Variants in LRRC69 observed in about 807,000 individuals in gnomAD.
LRRC69 encodes the protein leucine-rich repeat-containing protein 69.
LRRC69 carries 42 observed loss-of-function variants against 37.8 expected under a neutral mutation model. The observed-to-expected ratio is 1.11, with a 90% CI of 0.87 to 1.44. The LOEUF (loss-of-function observed/expected upper bound fraction) is 1.44, where lower values mean the gene tolerates loss of function less well. Among genes scored for constraint, LRRC69 ranks in the 40% most tolerant of loss-of-function variants. LRRC69 has a pLI of 0.00. For synonymous variants in LRRC69, 141 were observed against 143.1 expected (o/e 0.99, Z 0.11); for missense variants, 357 against 401.9 (o/e 0.89, Z 0.96).
At chr8:91,197,064 A>G (rs1214796114) in intron 6 of LRRC69, among the ~76,000 whole-genome samples, 1 of 151,920 alleles carries the variant, frequency 6.6e-6, no homozygotes, top group East Asian at 1.9e-4. Flanking sequence ...TCTAACAGAC[A>G]GGACCCTCAG....
At chr8:91,206,845 A>G in intron 7 of LRRC69, 2 of 1,287,996 alleles carry the variant, frequency 1.6e-6, no homozygotes, top group South Asian at 1.2e-5. Flanking sequence ...AGGAGAAACC[A>G]AGTAATTTTG....
intron 5 of LRRC69, among the ~76,000 whole-genome samples, chr8:91,155,685 A>G (rs1368709370): frequency 6.6e-6 from 1 of 150,396 alleles, no homozygotes; most frequent in Non-Finnish European, 1.5e-5. Context: ...TCTACTCTCT[A>G]CTTCTATGAA....
chr8:91,143,584 GA>G lies in LRRC69; in HGVS notation c.651+7853del, dbSNP rs146361890. Among the ~76,000 whole-genome samples the G allele has an allele frequency of 1.5e-4, 22 of 151,444 alleles. 1 individual carries two copies. The highest frequency in any genetic ancestry group is 6.3e-4 in the South Asian group (3 of 4,796). ...TTGTAGGCACATACTGTTTTTATAA[GA>G]AAAAAAACATAAAGCGGGAAAGCCT... On this transcript the variant is annotated intron_variant, in intron 5 of 7. Transcript: ENST00000448384.
chr8:91,120,475 T>C (rs1813599387), intron 1 of LRRC69, among the ~76,000 whole-genome samples: 2 of 152,056 alleles, frequency 1.3e-5, no homozygotes, highest in African/African-American at 2.4e-5. Flanking sequence ...AGGAGAAATG[T>C]AGTCTCAGCC....
chr8:91,193,001 A>T (rs1479134039), intron 6 of LRRC69, among the ~76,000 whole-genome samples: 1 of 151,858 alleles, frequency 6.6e-6, no homozygotes, highest in Non-Finnish European at 1.5e-5. Flanking sequence ...TAAGTCTTTA[A>T]TCCATCTTGA....
At chr8:91,140,514 A>AT (rs1808513004) in intron 5 of LRRC69, among the ~76,000 whole-genome samples, 1 of 151,858 alleles carries the variant, frequency 6.6e-6, no homozygotes, top group Admixed American at 6.6e-5. Flanking sequence ...CAAGAATCTC[A>AT]TTTTTATATT....
intron 5 of LRRC69, among the ~76,000 whole-genome samples, chr8:91,153,993 A>C (rs575005234): frequency 2.0e-5 from 3 of 151,998 alleles, no homozygotes; most frequent in African/African-American, 7.2e-5. Context: ...AAGAAAAGGG[A>C]GAAGAATCAA....
At chr8:91,194,761 T>G (rs1809565187) in intron 6 of LRRC69, among the ~76,000 whole-genome samples, 1 of 152,174 alleles carries the variant, frequency 6.6e-6, no homozygotes, top group South Asian at 2.1e-4. Flanking sequence ...TTGCTAGTGG[T>G]CTATCTATTT....
At chr8:91,196,039 T>G (rs534204160) in intron 6 of LRRC69, among the ~76,000 whole-genome samples, 2 of 152,206 alleles carry the variant, frequency 1.3e-5, no homozygotes, top group African/African-American at 2.4e-5. Context: ...GGGCAGGCCT[T>G]GTAGTGACAA....
intron 1 of LRRC69, among the ~76,000 whole-genome samples, chr8:91,109,100 A>G (rs938251352): frequency 2.0e-5 from 3 of 152,022 alleles, no homozygotes; most frequent in African/African-American, 7.2e-5. Flanking sequence ...ACAGGGATTC[A>G]TTATCCTGTT....
chr8:91,130,814 G>C (rs1813795943), intron 3 of LRRC69: 1 of 152,022 alleles, frequency 6.6e-6, no homozygotes, highest in Non-Finnish European at 1.5e-5. Flanking sequence ...TGAAGACCAA[G>C]GTGCTGGCAG....
Position 91,146,931 on chromosome 8 carries a change from T to C in LRRC69, c.651+11192T>C, listed in dbSNP as rs553871758. Among the ~76,000 whole-genome samples the C allele has an allele frequency of 5.9e-5, 9 of 151,742 alleles. No homozygotes were observed. The South Asian group carries it at 8.3e-4, about 14-fold the overall frequency. On this transcript the variant is annotated intron_variant, in intron 5 of 7. Transcript: ENST00000448384. ...AAGCCAGAAATCCTGCTAAATGTTC[T>C]GTAATGCATAGGACAGTCCCCCCAT...
chr8:91,179,173 G>C (rs992608129), intron 5 of LRRC69, among the ~76,000 whole-genome samples: 3 of 152,164 alleles, frequency 2.0e-5, no homozygotes, highest in African/African-American at 4.8e-5. Context: ...CTGAACCTGG[G>C]TAATTTATAA....
chr8:91,171,086 G>T (rs557935085), intron 5 of LRRC69, among the ~76,000 whole-genome samples: 3 of 151,906 alleles, frequency 2.0e-5, no homozygotes, highest in Non-Finnish European at 4.4e-5. Context: ...CAAAAAGTGG[G>T]TGTATATAAT....
At chr8:91,191,447 G>T (rs758389203) in intron 6 of LRRC69, among the ~76,000 whole-genome samples, 2 of 152,068 alleles carry the variant, frequency 1.3e-5, no homozygotes, top group Non-Finnish European at 2.9e-5. Flanking sequence ...AACTAATTTA[G>T]TCCTCTACTA....
chr8:91,128,338 G>A lies in LRRC69; in HGVS notation c.383+1178G>A, dbSNP rs1320359575. Among the ~76,000 whole-genome samples, 6 of 152,060 alleles carry A rather than the reference G, an allele frequency of 3.9e-5. No homozygotes were observed. The South Asian group carries it at 1.0e-3, about 26-fold the overall frequency. ...CAATTTCATACACTTATCTCTGTTT[G>A]GAATACAAATTACAGTATTCAAGGA... On this transcript the variant is annotated intron_variant, in intron 3 of 7. Transcript: ENST00000448384.
chr8:91,199,265 T>G (rs1809673518), intron 6 of LRRC69, among the ~76,000 whole-genome samples: 1 of 152,212 alleles, frequency 6.6e-6, no homozygotes, highest in African/African-American at 2.4e-5. Flanking sequence ...ACATCTGATT[T>G]AGGCACCCTT....
At chr8:91,205,511 C>G (rs1809789306) in intron 7 of LRRC69, 2 of 151,830 alleles carry the variant, frequency 1.3e-5, no homozygotes, top group African/African-American at 4.8e-5. Context: ...TCTGTGGATC[C>G]TGACAGACAG....
At chr8:91,135,401 G>C (rs1813892193) in intron 4 of LRRC69, among the ~76,000 whole-genome samples, 1 of 152,036 alleles carries the variant, frequency 6.6e-6, no homozygotes, top group Admixed American at 6.6e-5. Flanking sequence ...GTACCTGCCA[G>C]AGGTGAGATT....
Sources: allele counts gnomAD v4.1 joint callset (sites outside exome capture counted in the v4.1 genomes callset), GRCh38; gene constraint gnomAD v4.1.1; transcripts MANE v1.5; gene names NCBI Gene and HGNC (gene_info 2026-07-23, HGNC 2026-07-21).